The following FRMD3 variants were observed in gnomAD, a reference collection of about 807,000 sequenced individuals.
FRMD3 encodes FERM domain-containing protein 3.
Under a neutral mutation model 70.2 loss-of-function variants are expected in FRMD3, and 33 were observed. The observed-to-expected ratio is 0.47, with a 90% CI of 0.36 to 0.63. The LOEUF (loss-of-function observed/expected upper bound fraction) is 0.63, where lower values mean the gene tolerates loss of function less well. Ranked by LOEUF, FRMD3 falls within the 20% of genes least tolerant of loss-of-function variation. The probability of loss-of-function intolerance (pLI) is 0.00; values close to 1 mark genes in which losing one functional copy is unlikely to be tolerated. For synonymous variants in FRMD3, 279 were observed against 255.9 expected, an observed-to-expected ratio of 1.09 and a Z score of -0.86; for missense variants, 632 against 711.4, an observed-to-expected ratio of 0.89 and a Z score of 1.27.
intron 1 of FRMD3, among the ~76,000 whole-genome samples, chr9:83,416,193 C>G (rs1012003384): frequency 2.6e-5 from 4 of 152,230 alleles, no homozygotes; most frequent in Non-Finnish European, 5.9e-5. Flanking sequence ...CTCACCCTTA[C>G]TCAGTTCTCA....
chr9:83,385,157 G>A (rs929145910), intron 2 of FRMD3, among the ~76,000 whole-genome samples: 2 of 149,894 alleles, frequency 1.3e-5, no homozygotes, highest in Admixed American at 1.3e-4. Flanking sequence ...AAATACCTGA[G>A]CAGAAGTGGT....
chr9:83,331,568 T>C (rs1431218056), intron 6 of FRMD3, among the ~76,000 whole-genome samples: 1 of 152,172 alleles, frequency 6.6e-6, no homozygotes, highest in African/African-American at 2.4e-5. Flanking sequence ...AAGAGTGAAC[T>C]CTAATGTAAA....
chr9:83,540,064 C>T (rs569202227), upstream of FRMD3, among the ~76,000 whole-genome samples: 4 of 152,254 alleles, frequency 2.6e-5, no homozygotes, highest in South Asian at 4.1e-4. Flanking sequence ...AAGGAGAGAA[C>T]ACCTGTTCAT....
chr9:83,391,985 A>C (rs1199625968), intron 1 of FRMD3, among the ~76,000 whole-genome samples: 1 of 152,092 alleles, frequency 6.6e-6, no homozygotes, highest in Non-Finnish European at 1.5e-5. Context: ...GTTAATTCGC[A>C]TGCACATTGA....
chr9:83,378,263 T>G (rs1289410615), intron 2 of FRMD3, among the ~76,000 whole-genome samples: 2 of 141,448 alleles, frequency 1.4e-5, no homozygotes, highest in Non-Finnish European at 1.5e-5. Context: ...TCTTTTTTGT[T>G]TTTTTTGTTT....
chr9:83,366,206 G>A (rs567559316), intron 3 of FRMD3, among the ~76,000 whole-genome samples: 3 of 152,194 alleles, frequency 2.0e-5, no homozygotes, highest in Non-Finnish European at 4.4e-5. Flanking sequence ...TATGGAGTAT[G>A]GGTTTTCAAG....
chr9:83,366,937 G>T (rs1323243304), intron 3 of FRMD3, among the ~76,000 whole-genome samples: 2 of 152,034 alleles, frequency 1.3e-5, no homozygotes, highest in African/African-American at 4.8e-5. Flanking sequence ...GGAGGCTGAG[G>T]CACAAGAATC....
chr9:83,311,501 C>T (rs751551511), intron 8 of FRMD3, among the ~76,000 whole-genome samples: 6 of 152,122 alleles, frequency 3.9e-5, no homozygotes, highest in Non-Finnish European at 7.4e-5. Context: ...GCACCCAGGA[C>T]TCAACAGAGG....
chr9:83,297,013 A>C (rs1834695943), intron 12 of FRMD3, among the ~76,000 whole-genome samples: 1 of 152,212 alleles, frequency 6.6e-6, no homozygotes, highest in African/African-American at 2.4e-5. Flanking sequence ...CAATTTGAGA[A>C]ACCCTGAGCT....
chr9:83,259,477 AG>A (rs1474282988), intron 13 of FRMD3, among the ~76,000 whole-genome samples: 1 of 152,128 alleles, frequency 6.6e-6, no homozygotes, highest in Non-Finnish European at 1.5e-5. Flanking sequence ...CCTTATTCAA[AG>A]TATCTCACAC....
intron 1 of FRMD3, among the ~76,000 whole-genome samples, chr9:83,410,794 G>A (rs1293299124): frequency 6.6e-6 from 1 of 152,122 alleles, no homozygotes; most frequent in East Asian, 1.9e-4. Context: ...CCTTTTCTCT[G>A]CAGCCTCACC....
In FRMD3 at chr9:83,373,719, A is replaced by C. The variant is rs1157694511; in HGVS notation, c.253-764T>G. On this transcript the variant is annotated intron_variant, in intron 2 of 13. Coordinates refer to ENST00000304195, the MANE Select transcript of FRMD3 (RefSeq NM_174938.6). The stretch of plus-strand genomic sequence containing the variant: ...ATGAGGTCCCTGAAGCTGCTCAGGG[A>C]ATGTCACTTAGAGTCACTTTATACA... 8.5e-5 allele frequency among the ~76,000 whole-genome samples: 13 copies of C among 152,196 alleles called. 1 individual carries two copies. The East Asian group carries it at 2.5e-3, about 29-fold the overall frequency.
Position 83,246,314 on chromosome 9 carries a change from A to C in FRMD3, c.*1604T>G. Reference sequence around the variant, plus strand: ...CTCTTATCTTTCTCCCACATAACACAGTATCAGCAGGTAGTCTGCATGGGA... The same window carrying C: ...CTCTTATCTTTCTCCCACATAACACCGTATCAGCAGGTAGTCTGCATGGGA... On this transcript the variant is annotated 3_prime_UTR_variant, in exon 14 of 14. Coordinates refer to ENST00000304195, the MANE Select transcript of FRMD3 (RefSeq NM_174938.6). 1 of 984,630 alleles carries C rather than the reference A, an allele frequency of 1.0e-6. No homozygotes were observed. The highest frequency in any genetic ancestry group is 1.2e-6 in the Non-Finnish European group (1 of 829,234). The allele number at this position is 984,630 out of a possible 1,614,324, so 61.0% of individuals were successfully genotyped here.
intron 13 of FRMD3, among the ~76,000 whole-genome samples, chr9:83,274,418 CAG>C (rs1002029492): frequency 4.6e-5 from 7 of 152,200 alleles, no homozygotes; most frequent in African/African-American, 1.4e-4. Flanking sequence ...AAGAAATAAA[CAG>C]AGGAGAAAAC....
At chr9:83,504,019 A>C (rs1031635746) in intron 1 of FRMD3, among the ~76,000 whole-genome samples, 1 of 151,904 alleles carries the variant, frequency 6.6e-6, no homozygotes, top group Admixed American at 6.6e-5. Context: ...AAGAGAATAC[A>C]CTCCGCATCC....
intron 1 of FRMD3, among the ~76,000 whole-genome samples, chr9:83,390,109 C>T (rs758651216): frequency 2.6e-5 from 4 of 152,196 alleles, no homozygotes; most frequent in Non-Finnish European, 4.4e-5. Flanking sequence ...TTCCTCGGTA[C>T]ATATTCATTC....
the FRMD3 span, among the ~76,000 whole-genome samples, chr9:83,580,624 G>T: frequency 2.0e-5 from 3 of 152,212 alleles, no homozygotes; most frequent in East Asian, 5.8e-4. Flanking sequence ...TGGGGATCAA[G>T]AGAATGAACG....
intron 1 of FRMD3, among the ~76,000 whole-genome samples, chr9:83,438,955 A>G (rs978688948): frequency 3.3e-5 from 5 of 152,112 alleles, no homozygotes; most frequent in African/African-American, 7.2e-5. Context: ...CTTCTGGAGG[A>G]AGGAAGGAGA....
At chr9:83,343,416 C>T (rs929160867) in intron 4 of FRMD3, 129 bp from the exon 5 acceptor site, 2 of 644,364 alleles carry the variant, frequency 3.1e-6, no homozygotes, top group African/African-American at 1.9e-5. Context: ...TAGACATGCC[C>T]AGCCCTTTGT....
Sources: allele counts gnomAD v4.1 joint callset (sites outside exome capture counted in the v4.1 genomes callset), GRCh38; gene constraint gnomAD v4.1.1; transcripts MANE v1.5; gene names NCBI Gene and HGNC (gene_info 2026-07-23, HGNC 2026-07-21).